SORBS2: variants seen among roughly 807,000 people sequenced by gnomAD.
SORBS2 encodes sorbin and SH3 domain containing 2.
In SORBS2, 46 loss-of-function variants were observed where a neutral mutation model predicts 97.7. The ratio of observed to expected loss-of-function variants is 0.47; its 90% CI spans 0.37 to 0.60. SORBS2 has a LOEUF of 0.60. Ranked by LOEUF, SORBS2 falls within the 20% of genes least tolerant of loss-of-function variation. The probability of loss-of-function intolerance (pLI) is 0.00; values close to 1 mark genes in which losing one functional copy is unlikely to be tolerated. For missense variants in SORBS2, 1,316 were observed against 1,282.3 expected, an observed-to-expected ratio of 1.03 and a Z score of -0.40; for synonymous variants, 476 against 473.4, an observed-to-expected ratio of 1.01 and a Z score of -0.07.
chr4:185,662,494 A>G (rs1370226079), intron 4 of SORBS2, among the ~76,000 whole-genome samples: 1 of 152,212 alleles, frequency 6.6e-6, no homozygotes, highest in African/African-American at 2.4e-5. Flanking sequence ...GTGGCTGACT[A>G]GTGGGCATGC....
intron 8 of SORBS2, among the ~76,000 whole-genome samples, 181 bp from the exon 21 acceptor site, chr4:185,618,812 T>C (rs1429267371): frequency 6.6e-6 from 1 of 152,204 alleles, no homozygotes; most frequent in East Asian, 1.9e-4. Flanking sequence ...TAAGCTATAA[T>C]AGGAATATAA....
At chr4:185,676,288 C>T (rs913273085) in intron 4 of SORBS2, among the ~76,000 whole-genome samples, 3 of 152,204 alleles carry the variant, frequency 2.0e-5, no homozygotes, top group Non-Finnish European at 4.4e-5. Context: ...TTAAAATCTA[C>T]AGCTTATCCT....
At chr4:185,698,942 C>T (rs977694598) in intron 2 of SORBS2, among the ~76,000 whole-genome samples, 7 of 151,874 alleles carry the variant, frequency 4.6e-5, no homozygotes, top group Admixed American at 2.6e-4. Flanking sequence ...GGTAATGTTA[C>T]GTGGTGAAAG....
At chr4:185,614,692 C>T in intron 11 of SORBS2, 139 bp downstream of exon 23, 1 of 1,096,018 alleles carries the variant, frequency 9.1e-7, no homozygotes, top group Admixed American at 2.7e-5. Context: ...CTTAAAGAGT[C>T]CTTTGTAGAA....
chr4:185,800,316 TAGAG>T (rs377118218), intron 1 of SORBS2, among the ~76,000 whole-genome samples: 2 of 152,296 alleles, frequency 1.3e-5, no homozygotes, highest in African/African-American at 4.8e-5. Context: ...TTCTAAGTCA[TAGAG>T]ATTTATAGTA....
rs138198469 is a variant in SORBS2 at position 185,614,386 on chromosome 4, C to T, written c.2595+445G>A. 4.5e-4 allele frequency among the ~76,000 whole-genome samples: 68 copies of T among 151,942 alleles called. No homozygotes were observed. In the East Asian group the frequency reaches 0.01, roughly 23 times the overall value. On this transcript the variant is annotated intron_variant, in intron 11 of 14. Coordinates refer to ENST00000418609, the Ensembl canonical transcript of SORBS2. ...ACTGCAGAGATGGCTCTTAAAGCGG[C>T]TCCCCCAAGAGGAAGGATCTTCTTT...
chr4:185,611,882 C>T (rs1241848284), exon 12 of SORBS2: 1 of 1,613,914 alleles, frequency 6.2e-7, no homozygotes, highest in African/African-American at 1.3e-5. Flanking sequence ...TGACGACCTC[C>T]ACATAGGAAA....
chr4:185,839,998 TGGAA>T (rs1210395543), intron 1 of SORBS2, among the ~76,000 whole-genome samples: 1 of 81,912 alleles, frequency 1.2e-5, no homozygotes, highest in Non-Finnish European at 2.7e-5. Flanking sequence ...TCTTACCCTG[TGGAA>T]GAAAGAAGTG....
At chr4:185,826,299 C>A (rs1392291727) in intron 1 of SORBS2, among the ~76,000 whole-genome samples, 1 of 152,152 alleles carries the variant, frequency 6.6e-6, no homozygotes, top group Non-Finnish European at 1.5e-5. Context: ...GCCCCTCAGG[C>A]ACCCTCACCT....
intron 1 of SORBS2, among the ~76,000 whole-genome samples, chr4:185,881,985 C>T (rs1253453299): frequency 6.6e-6 from 1 of 152,076 alleles, no homozygotes; most frequent in Admixed American, 6.5e-5. Context: ...TTAATATGAT[C>T]TCTTAGACAC....
Position 185,674,102 on chromosome 4 carries a change from T to C in SORBS2, c.-46+4321A>G, listed in dbSNP as rs542189104. Among the ~76,000 whole-genome samples, 14 of 152,336 alleles carry C rather than the reference T, an allele frequency of 9.2e-5. 1 individual carries two copies. The highest frequency in any genetic ancestry group is 6.2e-4 in the South Asian group (3 of 4,828). The stretch of plus-strand genomic sequence containing the variant: ...AACCCATCGACTAGCCAATGGCTGA[T>C]ACCTCCAACCAGGACCTTTCCCCTG... On this transcript the variant is annotated intron_variant, in intron 4 of 20. Coordinates refer to the SORBS2 transcript ENST00000284776.
intron 2 of SORBS2, among the ~76,000 whole-genome samples, chr4:185,769,407 A>G (rs1287029842): frequency 6.6e-6 from 1 of 152,232 alleles, no homozygotes; most frequent in Non-Finnish European, 1.5e-5. Flanking sequence ...TGGCATCACC[A>G]TCATTCCTGA....
intron 1 of SORBS2, among the ~76,000 whole-genome samples, chr4:185,889,086 T>A (rs747797322): frequency 1.3e-5 from 2 of 152,192 alleles, no homozygotes; most frequent in Non-Finnish European, 2.9e-5. Flanking sequence ...CTTTCTATCA[T>A]CCCTTTTCTG....
At chr4:185,639,992 C>T (rs758210677) in intron 4 of SORBS2, among the ~76,000 whole-genome samples, 1 of 152,128 alleles carries the variant, frequency 6.6e-6, no homozygotes, top group Non-Finnish European at 1.5e-5. Flanking sequence ...TTTATTGACT[C>T]GTTGCATTTA....
chr4:185,925,492 C>G (rs1050775690), intron 1 of SORBS2, among the ~76,000 whole-genome samples: 1 of 152,094 alleles, frequency 6.6e-6, no homozygotes, highest in Non-Finnish European at 1.5e-5. Context: ...CATCTCCCCC[C>G]AGAGAGAACC....
At chr4:185,937,731 T>A (rs1320544443) in intron 1 of SORBS2, among the ~76,000 whole-genome samples, 1 of 151,988 alleles carries the variant, frequency 6.6e-6, no homozygotes, top group Non-Finnish European at 1.5e-5. Context: ...AAATGAGGAA[T>A]GAGGAAGCAA....
chr4:185,664,027 T>C (rs968397116), intron 4 of SORBS2, among the ~76,000 whole-genome samples: 15 of 151,696 alleles, frequency 9.9e-5, no homozygotes, highest in Non-Finnish European at 2.2e-4. Context: ...GCTAATTTTT[T>C]GTATTTTTAG....
chr4:185,709,004 C>A (rs1428655316), intron 2 of SORBS2, among the ~76,000 whole-genome samples: 1 of 152,244 alleles, frequency 6.6e-6, no homozygotes, highest in Non-Finnish European at 1.5e-5. Context: ...TTCTTGTGAA[C>A]CAGAGAACTC....
chr4:185,684,767 G>T lies in SORBS2; in HGVS notation c.-197-5945C>A. ...GTGATATTATACCTGCAGCCAATAGGTTTGGAGAACTTTGCACTCTCTTCA... is the reference window on the plus strand; with the variant it reads ...GTGATATTATACCTGCAGCCAATAGTTTTGGAGAACTTTGCACTCTCTTCA... On this transcript the variant is annotated intron_variant, in intron 2 of 20. Coordinates refer to the SORBS2 transcript ENST00000284776. The surrounding 1 kb of genome is among the most constrained non-coding windows in gnomAD (Gnocchi z 4.2). 1 of 1,551,362 alleles carries T rather than the reference G, an allele frequency of 6.4e-7. No homozygotes were observed. Among genetic ancestry groups the T allele is most frequent in the Non-Finnish European group, 8.7e-7 (1 of 1,146,578 alleles).
Sources: allele counts gnomAD v4.1 joint callset (sites outside exome capture counted in the v4.1 genomes callset), GRCh38; gene constraint gnomAD v4.1.1; non-coding constraint Gnocchi (gnomAD v3.1); transcripts MANE v1.5; gene names NCBI Gene and HGNC (gene_info 2026-07-23, HGNC 2026-07-21).